Variants in NBEA observed in about 807,000 individuals in gnomAD.
The protein encoded by NBEA is lysosomal-trafficking regulator 2.
NBEA carries 44 observed loss-of-function variants against 343.4 expected under a neutral mutation model. The observed-to-expected ratio is 0.13, with a 90% CI of 0.10 to 0.16. The LOEUF is 0.16. Among genes scored for constraint, NBEA ranks in the 10% least tolerant of loss-of-function variants. The pLI is 1.00. For synonymous variants in NBEA, 1,175 were observed against 1,238.7 expected (o/e 0.95, Z 1.08); for missense variants, 2,555 against 3,631.3 (o/e 0.70, Z 7.62).
Position 35,432,243 on chromosome 13 carries a change from A to T in NBEA, c.6180-26A>T, listed in dbSNP as rs759713508. 12 of 1,567,116 alleles carry T rather than the reference A, an allele frequency of 7.7e-6. No homozygotes were observed. The Admixed American group carries it at 2.0e-4, about 27-fold the overall frequency. On this transcript the variant is annotated intron_variant, in intron 38 of 58. Coordinates refer to ENST00000379939, the MANE Select transcript of NBEA (RefSeq NM_001385012.1). ...CAGCTATGCATTGTTATTAATAGGGATTACTTTTTTTCCCTCTACTCTTAG... is the reference window on the plus strand; with the variant it reads ...CAGCTATGCATTGTTATTAATAGGGTTTACTTTTTTTCCCTCTACTCTTAG...
chr13:35,477,614 A>T (rs1371798640), intron 41 of NBEA, among the ~76,000 whole-genome samples: 1 of 152,186 alleles, frequency 6.6e-6, no homozygotes, highest in Non-Finnish European at 1.5e-5. Flanking sequence ...AACTATCCCG[A>T]AAAATTGAAG....
At chr13:35,637,681 G>T (rs1213300776) in intron 49 of NBEA, among the ~76,000 whole-genome samples, 1 of 152,028 alleles carries the variant, frequency 6.6e-6, no homozygotes, top group Non-Finnish European at 1.5e-5. Context: ...AATTAGCCGG[G>T]CATGGTGGCA....
intron 41 of NBEA, chr13:35,475,056 C>G (rs992598508): frequency 4.3e-6 from 7 of 1,609,666 alleles, no homozygotes; most frequent in Non-Finnish European, 5.9e-6. Flanking sequence ...ATTAAATCAT[C>G]CTCTAAAGTT....
chr13:35,629,485 G>A (rs891529084), intron 49 of NBEA, among the ~76,000 whole-genome samples: 1 of 152,112 alleles, frequency 6.6e-6, no homozygotes, highest in African/African-American at 2.4e-5. Flanking sequence ...TTGATCCTTG[G>A]ACCCTTAGGG....
At chr13:34,948,843 A>G (rs1441058293) in intron 1 of NBEA, among the ~76,000 whole-genome samples, 1 of 152,178 alleles carries the variant, frequency 6.6e-6, no homozygotes, top group Non-Finnish European at 1.5e-5. Context: ...TTAAGAGAGC[A>G]GTTAACTTCG....
At position 35,208,611 on chromosome 13, in the gene NBEA, C is replaced by T. The variant is rs984671759; in HGVS notation, c.5367-89C>T. 320 of 1,147,400 alleles carry T rather than the reference C, an allele frequency of 2.8e-4. 1 individual carries two copies. Among genetic ancestry groups the T allele is most frequent in the Non-Finnish European group, 3.2e-4 (271 of 859,806 alleles). The allele number at this position is 1,147,400 out of a possible 1,614,324, so 71.1% of individuals were successfully genotyped here. A position where few individuals can be genotyped will look rare whatever the true frequency, so the allele number is the denominator to read the frequency against. ...AATTAAAAGAAGAGAGGGAGAAATT[C>T]GATGTTGACTATGTATATCTGTTGC... On this transcript the variant is annotated intron_variant, in intron 31 of 58. Coordinates refer to ENST00000379939, the MANE Select transcript of NBEA (RefSeq NM_001385012.1).
intron 10 of NBEA, among the ~76,000 whole-genome samples, chr13:35,095,798 C>G (rs1217786403): frequency 6.6e-6 from 1 of 151,888 alleles, no homozygotes; most frequent in Non-Finnish European, 1.5e-5. Context: ...AAAATCTGTT[C>G]CTAGGTATTG....
At chr13:35,305,727 T>C (rs995440808) in intron 35 of NBEA, among the ~76,000 whole-genome samples, 1 of 152,296 alleles carries the variant, frequency 6.6e-6, no homozygotes, top group Admixed American at 6.5e-5. Flanking sequence ...AAGTAAACTT[T>C]CATGTTTTAA....
At chr13:35,043,008 T>A (rs1348596580) in intron 2 of NBEA, among the ~76,000 whole-genome samples, 1 of 151,824 alleles carries the variant, frequency 6.6e-6, no homozygotes, top group African/African-American at 2.4e-5. Context: ...GTCTTAGTAT[T>A]TTTTCTTTTA....
At chr13:35,301,633 G>A (rs2036555737) in intron 35 of NBEA, among the ~76,000 whole-genome samples, 1 of 152,060 alleles carries the variant, frequency 6.6e-6, no homozygotes, top group Admixed American at 6.6e-5. Context: ...ATTGTAAATA[G>A]TGCTGCAATA....
intron 6 of NBEA, among the ~76,000 whole-genome samples, chr13:35,050,735 A>G (rs2063036852): frequency 6.6e-6 from 1 of 152,022 alleles, no homozygotes; most frequent in Non-Finnish European, 1.5e-5. Flanking sequence ...TAAAAAAGTT[A>G]AATGTTAAAC....
rs368961906 is a variant in NBEA, at chr13:35,287,401, T to C, written c.5777-2988T>C. Among the ~76,000 whole-genome samples, 70 of 152,148 alleles carry C rather than the reference T, an allele frequency of 4.6e-4. 1 individual carries two copies. In the South Asian group the frequency reaches 0.014, roughly 31 times the overall value. ...CAGTCCTTAGTATCATTTCTCCCGT[T>C]TTATAACTTGCTTTAAATTATTCCT... On this transcript the variant is annotated intron_variant, in intron 34 of 58. Transcript: ENST00000379939.
At chr13:35,627,514 ATT>A (rs2153065158) in intron 48 of NBEA, among the ~76,000 whole-genome samples, 1 of 151,856 alleles carries the variant, frequency 6.6e-6, no homozygotes, top group Non-Finnish European at 1.5e-5. Flanking sequence ...TTTCTTTCCC[ATT>A]AGCTAGCAAA....
intron 17 of NBEA, among the ~76,000 whole-genome samples, chr13:35,137,425 G>C (rs1275411270): frequency 1.3e-5 from 2 of 151,802 alleles, no homozygotes; most frequent in Middle Eastern, 3.4e-3. Flanking sequence ...ACTCCAGCCT[G>C]GGCGACTGAG....
chr13:35,561,283 A>C (rs1444916507), intron 44 of NBEA, among the ~76,000 whole-genome samples: 4 of 152,110 alleles, frequency 2.6e-5, no homozygotes, highest in African/African-American at 9.7e-5. Context: ...GTTGTGATCT[A>C]TTATGTAAAT....
chr13:35,522,641 G>A (rs556761291), intron 41 of NBEA, among the ~76,000 whole-genome samples: 2 of 152,138 alleles, frequency 1.3e-5, no homozygotes, highest in South Asian at 4.1e-4. Flanking sequence ...AGGAACCAGG[G>A]CACCCAGCAG....
chr13:35,251,853 T>A (rs1249019118), intron 34 of NBEA: 1 of 157,230 alleles, frequency 6.4e-6, no homozygotes, highest in Non-Finnish European at 1.4e-5. Flanking sequence ...TACCTGCACC[T>A]CCGCGGGCCA....
intron 38 of NBEA, among the ~76,000 whole-genome samples, chr13:35,380,620 A>G (rs1198135680): frequency 6.6e-6 from 1 of 152,130 alleles, no homozygotes; most frequent in Non-Finnish European, 1.5e-5. Context: ...TTTCCTGCAT[A>G]TACTTTTATC....
At position 35,026,598 on chromosome 13, in the gene NBEA, AT is replaced by A. The variant is rs2062028060; in HGVS notation, c.295-14334del. Among the ~76,000 whole-genome samples the A allele has an allele frequency of 3.3e-5, 5 of 152,256 alleles. No homozygotes were observed. In the South Asian group the frequency reaches 1.0e-3, roughly 32 times the overall value. On this transcript the variant is annotated intron_variant, in intron 1 of 58. Coordinates refer to ENST00000379939, the MANE Select transcript of NBEA (RefSeq NM_001385012.1). ...TCTTTTGTTTCTGAACTGTTGGTTA[AT>A]ACATTTTAGCAAATGATTGTTCCAT...
Sources: gnomAD v4.1 joint callset for allele counts (sites outside exome capture counted in the v4.1 genomes callset) on GRCh38, gnomAD v4.1.1 for gene constraint, MANE v1.5 for transcripts, NCBI Gene and HGNC (gene_info 2026-07-23, HGNC 2026-07-21) for gene names.